The following SCAF11 variants were observed in gnomAD, a reference collection of about 807,000 sequenced individuals.
SCAF11 encodes the protein SR-related CTD associated factor 11.
In SCAF11, 47 loss-of-function variants were observed where a neutral mutation model predicts 140.5. The observed-to-expected ratio is 0.33, with a 90% confidence interval of 0.26 to 0.43. SCAF11 has a LOEUF of 0.43. SCAF11 is among the 20% of genes least tolerant of loss of function. SCAF11 has a pLI of 1.00. For missense variants in SCAF11, 1,645 were observed against 1,705.1 expected (o/e 0.96, Z 0.62); for synonymous variants, 557 against 579.4 (o/e 0.96, Z 0.55).
In SCAF11 at chr12:45,927,417, G is replaced by T; in HGVS notation, c.2284C>A (p.Leu762Ile). 1.2e-6 allele frequency: 2 copies of T among 1,613,830 alleles called. No individual in the cohort carries two copies. The highest frequency in any genetic ancestry group is 1.7e-6 in the Non-Finnish European group (2 of 1,179,950). The change falls in exon 11 of 15, where the codon CTT becomes ATT. Residue 762 changes from leucine to isoleucine, a missense_variant. Leu to Ile is a conservative substitution (Grantham distance 5). Coordinates refer to ENST00000369367, the MANE Select transcript of SCAF11 (RefSeq NM_004719.3). ...CSENNMPSSD[L>I]ADEKVETVSQ... is the part of the protein sequence containing the mutation. ...ACAGTTTCAACCTTTTCATCCGCAA[G>T]ATCAGAAGACGGCATATTATTTTCA... is the stretch of plus-strand genomic sequence containing the variant.
chr12:45,967,081 ATATAATT>A (rs956115557), intron 1 of SCAF11, among the ~76,000 whole-genome samples: 13 of 152,142 alleles, frequency 8.5e-5, no homozygotes. Flanking sequence ...CTAACCTGAT[ATATAATT>A]TATAATTTAT....
At chr12:45,987,893 T>G (rs1338910337) in intron 1 of SCAF11, among the ~76,000 whole-genome samples, 1 of 152,108 alleles carries the variant, frequency 6.6e-6, no homozygotes, top group African/African-American at 2.4e-5. Flanking sequence ...AGCAAAATAG[T>G]GGTTGTGTTT....
Position 45,927,918 on chromosome 12 carries a change from G to C in SCAF11, c.1783C>G (p.His595Asp). Residue 595 changes from histidine (H) to aspartate (D), a missense_variant, in exon 11 of 15, where the codon CAT (histidine) becomes GAT (aspartate). His to Asp is a moderately conservative substitution (Grantham distance 81, BLOSUM62 -1). Around this residue, in one of 2 missense-constraint regions of SCAF11, gnomAD observed 1,582 missense variants for 1,609.2 expected, o/e 0.98. Transcript: ENST00000369367. ...TESSLVEITE[H>D]KDFTLKTEEL... ...TCTGTTTTTAGTGTAAAATCTTTAT[G>C]TTCAGTAATTTCTACTAGGGAACTC... is the stretch of plus-strand genomic sequence containing the variant. 3 of 1,612,708 alleles carry C rather than the reference G, an allele frequency of 1.9e-6. No individual in the cohort carries two copies. Among genetic ancestry groups the C allele is most frequent in the Non-Finnish European group, 2.5e-6 (3 of 1,179,652 alleles).
chr12:45,926,450 C>T lies in SCAF11; in HGVS notation c.3251G>A (p.Arg1084Lys). ...GRGNRGRGTY[R>K]SSFAYKDQNE... ...CTGATCTTTATAGGCAAAACTACTT[C>T]TGTAAGTGCCTCTGCCACGGTTGCC... Residue 1084 changes from arginine (R) to lysine (K), a missense_variant, in exon 11 of 15, where the codon AGA (arginine) becomes AAA (lysine). Arg to Lys is a conservative substitution (Grantham distance 26). Coordinates refer to ENST00000369367, the MANE Select transcript of SCAF11 (RefSeq NM_004719.3). The T allele has an allele frequency of 6.2e-7, 1 of 1,614,200 alleles. No individual in the cohort carries two copies. The highest frequency in any genetic ancestry group is 8.5e-7 in the Non-Finnish European group (1 of 1,180,028).
At position 45,962,115 on chromosome 12, in the gene SCAF11, T is replaced by A. The variant is rs11574959; in HGVS notation, c.62-258A>T. Among the ~76,000 whole-genome samples the A allele has an allele frequency of 4.9e-3, 749 of 152,284 alleles. 4 individuals are homozygous for A. Among genetic ancestry groups the A allele is most frequent in the Non-Finnish European group, 7.2e-3 (491 of 67,996 alleles). ...AGTAATATTCACACGGATCAAAAAT[T>A]TAAGAGCAAATTTCTCATTCAAATT... On this transcript the variant is annotated intron_variant, in intron 2 of 14. Transcript: ENST00000369367.
At chr12:45,938,520 C>CA (rs1399555450) in intron 6 of SCAF11, among the ~76,000 whole-genome samples, 1 of 151,654 alleles carries the variant, frequency 6.6e-6, no homozygotes, top group Admixed American at 6.6e-5. Flanking sequence ...AAACAAAAAA[C>CA]ACACTTTTCT....
chr12:45,991,880 CT>C, upstream of SCAF11: 2 of 1,284,044 alleles, frequency 1.6e-6, no homozygotes, highest in Non-Finnish European at 2.0e-6. Context: ...CCGCGCGCGG[CT>C]CACCCAGGTC....
chr12:45,920,504 G>C lies in SCAF11; in HGVS notation c.*1544C>G, dbSNP rs1362139159. The C allele has an allele frequency of 2.0e-5, 3 of 152,146 alleles. No individual in the cohort carries two copies. The East Asian group carries it at 5.8e-4, about 29-fold the overall frequency. The allele number at this position is 152,146 out of a possible 1,614,324, so 9.4% of individuals were successfully genotyped here. A position where few individuals can be genotyped will look rare whatever the true frequency, so the allele number is the denominator to read the frequency against. On this transcript the variant is annotated 3_prime_UTR_variant, in exon 15 of 15. Transcript: ENST00000369367. ...TTCTTACTGGAATCAGTTTATCATG[G>C]AGAAAACCTACTGTTCTTTCAAGAT...
At chr12:45,965,148 TGAA>T (rs1384040396) in intron 1 of SCAF11, among the ~76,000 whole-genome samples, 1 of 152,180 alleles carries the variant, frequency 6.6e-6, no homozygotes, top group Admixed American at 6.5e-5. Context: ...ACAAATTCTA[TGAA>T]GAAGAGTGAC....
chr12:45,922,997 A>G lies in SCAF11; in HGVS notation c.4064T>C (p.Leu1355Ser), dbSNP rs376865144. 13 of 1,614,204 alleles carry G rather than the reference A, an allele frequency of 8.1e-6. No individual in the cohort carries two copies. In the East Asian group the frequency reaches 1.1e-4, roughly 14 times the overall value. Residue 1355 changes from leucine (L) to serine (S), a missense_variant, in exon 13 of 15, where the codon TTG becomes TCG. This residue lies in a region of SCAF11 where 1,582 missense variants were observed against 1,609.2 expected (regional missense o/e 0.98). Transcript: ENST00000369367. ...TGCAACACTTACTTTGCTTTCTGCC[A>G]ATTTTACAGCAGCATTAGAGGCTTT... ...HSKASNAAVK[L>S]AESKVSVAVE...
chr12:45,959,497 A>G lies in SCAF11; in HGVS notation c.219+2203T>C, dbSNP rs765645876. 3.3e-5 allele frequency among the ~76,000 whole-genome samples: 5 copies of G among 152,342 alleles called. No homozygotes were observed. In the Middle Eastern group the frequency reaches 0.01, roughly 311 times the overall value. ...CATGGCCTGTTAGAAGGCTGAAGAC[A>G]CTTATTCCTGATCCTGAAATCCGAA... On this transcript the variant is annotated intron_variant, in intron 3 of 14. Coordinates refer to ENST00000369367, the MANE Select transcript of SCAF11 (RefSeq NM_004719.3).
rs745704643 is a variant in SCAF11, at chr12:45,927,750, T to C, written c.1951A>G (p.Thr651Ala). The C allele has an allele frequency of 1.9e-6, 3 of 1,612,744 alleles. No individual in the cohort carries two copies. The highest frequency in any genetic ancestry group is 2.7e-5 in the African/African-American group (2 of 74,852). The change falls in exon 11 of 15, where the codon ACT becomes GCT. Residue 651 changes from threonine to alanine, a missense_variant. By Grantham distance (58) the Thr-to-Ala change is moderately conservative. Transcript: ENST00000369367. The part of the protein sequence containing the change: ...EDVEIIATCD[T>A]FGNEDFNNIQ... ...TTATTGAAATCTTCATTCCCAAAAG[T>C]ATCACATGTTGCAATTATTTCTACA...
chr12:45,964,434 G>A (rs925466900), intron 1 of SCAF11, among the ~76,000 whole-genome samples: 5 of 152,136 alleles, frequency 3.3e-5, no homozygotes, highest in African/African-American at 1.2e-4. Flanking sequence ...TTGGGAGGCC[G>A]AGGCGGGCGG....
At chr12:45,936,230 C>CT (rs1216712412) in intron 6 of SCAF11, among the ~76,000 whole-genome samples, 2 of 152,000 alleles carry the variant, frequency 1.3e-5, no homozygotes, top group Non-Finnish European at 2.9e-5. Flanking sequence ...CAACCTCTGC[C>CT]TCCCAGGTTC....
chr12:45,989,979 C>G (rs537296352), intron 1 of SCAF11, among the ~76,000 whole-genome samples: 46 of 151,992 alleles, frequency 3.0e-4, no homozygotes, highest in African/African-American at 1.0e-3. Flanking sequence ...GCCCCTTCCC[C>G]CCCCCCCGTA....
chr12:45,942,671 G>A (rs1326045910), intron 6 of SCAF11, among the ~76,000 whole-genome samples: 1 of 152,136 alleles, frequency 6.6e-6, no homozygotes, highest in African/African-American at 2.4e-5. Context: ...AAGATTCCCT[G>A]AGATATCTTC....
Position 45,958,624 on chromosome 12 carries a change from T to C in SCAF11, c.219+3076A>G, listed in dbSNP as rs1404458347. 2.0e-5 allele frequency among the ~76,000 whole-genome samples: 3 copies of C among 152,332 alleles called. No homozygotes were observed. In the East Asian group the frequency reaches 5.8e-4, roughly 29 times the overall value. ...TATAAATCAACAGGTTTACCATCTA[T>C]GAATTCCTTGAAACTAAATATAATC... is the stretch of plus-strand genomic sequence containing the variant. On this transcript the variant is annotated intron_variant, in intron 3 of 14. Transcript: ENST00000369367.
At chr12:45,953,744 G>A (rs932531027) in intron 3 of SCAF11, 6 of 339,178 alleles carry the variant, frequency 1.8e-5, no homozygotes, top group Non-Finnish European at 3.4e-5. Context: ...TGCTACTTTC[G>A]TATCTTTTTA....
chr12:45,949,301 C>T (rs13377610), intron 4 of SCAF11, among the ~76,000 whole-genome samples: 2,331 of 151,814 alleles, frequency 0.015, 77 homozygotes, highest in African/African-American at 0.053. Context: ...TGGAATGTGC[C>T]GCAAGTATAA....
Sources: allele counts gnomAD v4.1 joint callset (sites outside exome capture counted in the v4.1 genomes callset), GRCh38; gene constraint gnomAD v4.1.1; regional missense constraint gnomAD v4.1.1; transcripts MANE v1.5; gene names NCBI Gene and HGNC (gene_info 2026-07-23, HGNC 2026-07-21).